C22orf23: variants seen among roughly 807,000 people sequenced by gnomAD.
C22orf23 encodes chromosome 22 open reading frame 23.
C22orf23 carries 30 observed loss-of-function variants against 29.7 expected under a neutral mutation model. The observed-to-expected ratio is 1.01, with a 90% CI of 0.76 to 1.37. The LOEUF (loss-of-function observed/expected upper bound fraction) is 1.37. Ranked by LOEUF, C22orf23 falls within the 40% of genes most tolerant of loss-of-function variation. The probability of loss-of-function intolerance (pLI) is 0.00; values close to 1 mark genes in which losing one functional copy is unlikely to be tolerated. For missense variants in C22orf23, 237 were observed against 273.1 expected, an observed-to-expected ratio of 0.87 and a Z score of 0.93; for synonymous variants, 90 against 96.1, an observed-to-expected ratio of 0.94 and a Z score of 0.37.
intron 3 of C22orf23, among the ~76,000 whole-genome samples, chr22:37,950,537 G>A (rs1402759457): frequency 2.0e-5 from 3 of 152,026 alleles, no homozygotes; most frequent in African/African-American, 4.8e-5. Flanking sequence ...ACCTCCCAGG[G>A]TCAAGTGATC....
intron 4 of C22orf23, among the ~76,000 whole-genome samples, chr22:37,946,060 C>G (rs1216823922): frequency 6.6e-6 from 1 of 151,808 alleles, no homozygotes; most frequent in East Asian, 2.0e-4. Flanking sequence ...AGATCAAGAC[C>G]ATCCTGGCTA....
At chr22:37,952,953 C>T in intron 2 of C22orf23, 94 bp downstream of exon 2, 2 of 874,530 alleles carry the variant, frequency 2.3e-6, no homozygotes, top group Admixed American at 4.1e-5. Context: ...CATCCCGAAA[C>T]CATTCCCCAC....
At position 37,953,428 on chromosome 22, in the gene C22orf23, T is replaced by C. The variant is rs953870546; in HGVS notation, c.-10+20A>G. 3 of 538,816 alleles carry C rather than the reference T, an allele frequency of 5.6e-6. No individual in the cohort carries two copies. Among genetic ancestry groups the C allele is most frequent in the Non-Finnish European group, 6.6e-6 (2 of 304,790 alleles). 33.4% of individuals were successfully genotyped at this position (538,816 alleles called of 1,614,324 possible). The stretch of plus-strand genomic sequence containing the variant: ...TCACAACAGTACCCACTGAGTGATA[T>C]GCCAAAATTGAAATTTCACCCTAAG... On this transcript the variant is annotated intron_variant, in intron 1 of 6. Transcript: ENST00000403305.
rs771968133 is a variant in C22orf23, at chr22:37,944,173, G to T, written c.*2C>A. 1 of 1,613,778 alleles carries T rather than the reference G, an allele frequency of 6.2e-7. No individual in the cohort carries two copies. Among genetic ancestry groups the T allele is most frequent in the Non-Finnish European group, 8.5e-7 (1 of 1,179,620 alleles). On this transcript the variant is annotated 3_prime_UTR_variant, in exon 7 of 7. Coordinates refer to ENST00000403305, the MANE Select transcript of C22orf23 (RefSeq NM_032561.5). ...GCTACCCTGCCCGTCTCTGGAGACA[G>T]ATTAAGTGGTGGCAAGACCCTTCCT...
rs559246908 is a variant in C22orf23, at chr22:37,944,628, C to A, written c.482-111G>T. 5 of 913,262 alleles carry A rather than the reference C, an allele frequency of 5.5e-6. No individual in the cohort carries two copies. The African/African-American group carries it at 8.3e-5, about 15-fold the overall frequency. 56.6% of individuals were successfully genotyped at this position (913,262 alleles called of 1,614,324 possible). ...TCAAATAGTGTTTCTAGGCCGGGCG[C>A]GGTGGCTCACGCCTATAATCCCAGC... is the stretch of plus-strand genomic sequence containing the variant. On this transcript the variant is annotated intron_variant, in intron 5 of 6. Coordinates refer to ENST00000403305, the MANE Select transcript of C22orf23 (RefSeq NM_032561.5).
In C22orf23 at chr22:37,948,014, G is replaced by A. The variant is rs74834170; in HGVS notation, c.167-551C>T. Among the ~76,000 whole-genome samples the A allele has an allele frequency of 8.6e-3, 1,313 of 152,152 alleles. 19 individuals are homozygous for A. Among genetic ancestry groups the A allele is most frequent in the African/African-American group, 0.026 (1,072 of 41,484 alleles). On this transcript the variant is annotated intron_variant, in intron 3 of 6. Transcript: ENST00000403305. ...CCCTACTGCTCGGGAGGCTGAGGCC[G>A]GAGAATGGCATGAACCTGGGAGGTG...
Position 37,945,159 on chromosome 22 carries a change from C to T in C22orf23, c.364G>A (p.Glu122Lys), listed in dbSNP as rs762414772. Residue 122 changes from glutamate (E) to lysine (K), a missense_variant, in exon 5 of 7, where the codon GAG becomes AAG. Coordinates refer to ENST00000403305, the MANE Select transcript of C22orf23 (RefSeq NM_032561.5). The stretch of plus-strand genomic sequence containing the variant: ...AAGATATTTTGGAGTCTTTGTTTCT[C>T]CTTCTCCAAATCCCCTGTAGGGCCA... ...KPQATRDLEK[E>K]KQRLQNIFAT... 6.2e-7 allele frequency: 1 copy of T among 1,612,698 alleles called. No homozygotes were observed. The highest frequency in any genetic ancestry group is 8.5e-7 in the Non-Finnish European group (1 of 1,179,574).
chr22:37,951,674 T>TA lies in C22orf23; in HGVS notation c.104-153dup, dbSNP rs1569158229. ...CCTGCTTCGTTTTTTCTATAGCACT[T>TA]ACGACCACCTAAAATTCTATATATT... On this transcript the variant is annotated intron_variant, in intron 2 of 6. Coordinates refer to ENST00000403305, the MANE Select transcript of C22orf23 (RefSeq NM_032561.5). 17 of 479,056 alleles carry TA rather than the reference T, an allele frequency of 3.5e-5. No homozygotes were observed. The South Asian group carries it at 6.8e-4, about 19-fold the overall frequency. The allele number at this position is 479,056 out of a possible 1,614,324, so 29.7% of individuals were successfully genotyped here.
intron 4 of C22orf23, among the ~76,000 whole-genome samples, chr22:37,945,663 ATT>A (rs975695706): frequency 4.4e-5 from 6 of 135,660 alleles, no homozygotes; most frequent in Admixed American, 7.4e-5. Flanking sequence ...TAATTTTTGT[ATT>A]TTTTTTTTTT....
At chr22:37,946,440 G>T (rs962353655) in intron 4 of C22orf23, among the ~76,000 whole-genome samples, 15 of 151,942 alleles carry the variant, frequency 9.9e-5, no homozygotes, top group African/African-American at 3.4e-4. Context: ...AAAGCTGGGT[G>T]TGGGGAACAC....
intron 2 of C22orf23, among the ~76,000 whole-genome samples, chr22:37,952,188 AAAAC>A (rs1931086327): frequency 6.6e-6 from 1 of 152,290 alleles, no homozygotes; most frequent in East Asian, 1.9e-4. Flanking sequence ...TTGTTGGAAA[AAAAC>A]AAAAAAGTTG....
Position 37,948,408 on chromosome 22 carries a change from C to T in C22orf23, c.167-945G>A, listed in dbSNP as rs1331773506. On this transcript the variant is annotated intron_variant, in intron 3 of 6. Transcript: ENST00000403305. ...GAGGTTGCAGTAAGCCAAGATTGCA[C>T]CACTGCATTCCAGCCTGGGTGACTG... Among the ~76,000 whole-genome samples the T allele has an allele frequency of 4.6e-5, 7 of 152,018 alleles. No homozygotes were observed. The East Asian group carries it at 1.2e-3, about 25-fold the overall frequency.
intron 3 of C22orf23, 128 bp from the exon 4 acceptor site, chr22:37,947,591 A>ACCTCTGC (rs1370247004): frequency 1.4e-6 from 1 of 710,122 alleles, no homozygotes; most frequent in Admixed American, 4.2e-5. Context: ...GCTTACTGCA[A>ACCTCTGC]CCTCTGCCTC....
intron 1 of C22orf23, 111 bp from the exon 2 acceptor site, chr22:37,953,269 A>C (rs1462899892): frequency 4.3e-6 from 3 of 703,628 alleles, no homozygotes; most frequent in Non-Finnish European, 7.3e-6. Flanking sequence ...CCAGAGAATG[A>C]TGCCGCCAGT....
At chr22:37,946,858 G>A (rs1283418641) in intron 4 of C22orf23, among the ~76,000 whole-genome samples, 1 of 146,490 alleles carries the variant, frequency 6.8e-6, no homozygotes, top group Non-Finnish European at 1.5e-5. Flanking sequence ...TGGGCACAGA[G>A]TAAGGCTCTG....
chr22:37,945,251 T>C, intron 4 of C22orf23, 78 bp from the exon 5 acceptor site: 1 of 1,538,400 alleles, frequency 6.5e-7, no homozygotes, highest in Non-Finnish European at 8.7e-7. Flanking sequence ...CAAGTGCACG[T>C]GCTTGCTGCA....
At position 37,945,099 on chromosome 22, in the gene C22orf23, T is replaced by A. The variant is rs376250915; in HGVS notation, c.424A>T (p.Lys142Ter). Residue 142 changes from lysine to a stop codon, truncating the protein, a stop_gained, in exon 5 of 7, where the codon AAG becomes TAG. Transcript: ENST00000403305. LOFTEE classifies it high-confidence loss of function. ...GCCTTCTGTCGTGCAGGAGGGGCCT[T>A]TCTTTTCCGTTCCTCCATGTCCTTC... is the stretch of plus-strand genomic sequence containing the variant. ...TGKDMEERKR[K>*]APPARQKAPA... 170 of 1,613,704 alleles carry A rather than the reference T, an allele frequency of 1.1e-4. No homozygotes were observed. The highest frequency in any genetic ancestry group is 1.4e-4 in the Non-Finnish European group (164 of 1,179,894).
chr22:37,948,816 G>A (rs1054938774), intron 3 of C22orf23, among the ~76,000 whole-genome samples: 3 of 152,044 alleles, frequency 2.0e-5, no homozygotes, highest in Non-Finnish European at 4.4e-5. Context: ...ACACTGGATC[G>A]TACTGTAATA....
At chr22:37,949,404 C>T (rs1373881638) in intron 3 of C22orf23, among the ~76,000 whole-genome samples, 1 of 149,296 alleles carries the variant, frequency 6.7e-6, no homozygotes, top group Non-Finnish European at 1.5e-5. Context: ...GTGCCTCAGT[C>T]TCCTGAGTAG....
Sources: allele counts gnomAD v4.1 joint callset (sites outside exome capture counted in the v4.1 genomes callset), GRCh38; gene constraint gnomAD v4.1.1; transcripts MANE v1.5; gene names NCBI Gene and HGNC (gene_info 2026-07-23, HGNC 2026-07-21).